SS18L1: variants seen among roughly 807,000 people sequenced by gnomAD.
SS18L1 encodes the protein calcium-responsive transactivator.
SS18L1 carries 32 observed loss-of-function variants against 70.3 expected under a neutral mutation model. The observed-to-expected ratio is 0.46, with a 90% CI of 0.34 to 0.61. The LOEUF is 0.61. SS18L1 is among the 20% of genes least tolerant of loss of function. The pLI, the probability that SS18L1 is intolerant of heterozygous loss-of-function variation, is 0.01. For synonymous variants in SS18L1, 237 were observed against 229.7 expected, an observed-to-expected ratio of 1.03 and a Z score of -0.29; for missense variants, 430 against 542.1, an observed-to-expected ratio of 0.79 and a Z score of 2.05.
chr20:62,150,351 G>A (rs1191699079), intron 1 of SS18L1, among the ~76,000 whole-genome samples: 8 of 152,214 alleles, frequency 5.3e-5, no homozygotes, highest in Non-Finnish European at 1.0e-4. Flanking sequence ...TGTCTGCCCC[G>A]AGAACAGGAG....
At position 62,159,831 on chromosome 20, in the gene SS18L1, T is replaced by C; in HGVS notation, c.147-46T>C. ...TTCTGCCTTGGATCCACGTGGGGAC[T>C]CTGTGGTCCCGTCGTCCTGCCTCAT... On this transcript the variant is annotated intron_variant, in intron 2 of 10. Coordinates refer to ENST00000331758, the MANE Select transcript of SS18L1 (RefSeq NM_198935.3). The surrounding 1 kb of genome is among the most constrained non-coding windows in gnomAD (Gnocchi z 4.4). 1 of 1,582,292 alleles carries C rather than the reference T, an allele frequency of 6.3e-7. No individual in the cohort carries two copies. The highest frequency in any genetic ancestry group is 8.6e-7 in the Non-Finnish European group (1 of 1,158,914).
chr20:62,162,589 C>T lies in SS18L1; in HGVS notation c.377-163C>T, dbSNP rs73915599. The T allele has an allele frequency of 0.033, 23,823 of 722,308 alleles. 3,450 individuals carry two copies. The African/African-American group carries it at 0.35, about 11-fold the overall frequency. The allele number at this position is 722,308 out of a possible 1,614,324, so 44.7% of individuals were successfully genotyped here. ...AAAGTGCTGGGATTACAGGCATGAG[C>T]CACTGCTCCCGGCCACTTATTTATT... On this transcript the variant is annotated intron_variant, in intron 4 of 10. Coordinates refer to ENST00000331758, the MANE Select transcript of SS18L1 (RefSeq NM_198935.3).
chr20:62,174,451 A>G lies in SS18L1; in HGVS notation c.1037-66A>G. 2 of 1,545,906 alleles carry G rather than the reference A, an allele frequency of 1.3e-6. No individual in the cohort carries two copies. Among genetic ancestry groups the G allele is most frequent in the East Asian group, 2.3e-5 (1 of 44,046 alleles). ...GAGGAAGTTTTAAAAAAAATTTTTA[A>G]GTTAAGAAAAAAAAAGAAAGAGGTG... On this transcript the variant is annotated intron_variant, in intron 9 of 10. Transcript: ENST00000331758. This position sits in a 1 kb window ranked among gnomAD's most constrained non-coding sequence, Gnocchi z 4.1.
intron 5 of SS18L1, among the ~76,000 whole-genome samples, 197 bp from the exon 6 acceptor site, chr20:62,163,261 G>T (rs1294384807): frequency 6.6e-6 from 1 of 152,146 alleles, no homozygotes; most frequent in African/African-American, 2.4e-5. Context: ...TAGAGTCGGT[G>T]CAAGCAGCGG....
intron 1 of SS18L1, among the ~76,000 whole-genome samples, chr20:62,157,862 G>A (rs2057251320): frequency 6.6e-6 from 1 of 151,530 alleles, no homozygotes. Context: ...CATCTTTTCT[G>A]CCCCCACGCC....
rs2057676097 is a variant in SS18L1, at chr20:62,179,471, C to T, written c.*263C>T. 3.8e-6 allele frequency: 2 copies of T among 526,860 alleles called. No individual in the cohort carries two copies. The highest frequency in any genetic ancestry group is 3.4e-5 in the Admixed American group (1 of 29,054). 32.6% of individuals were successfully genotyped at this position (526,860 alleles called of 1,614,324 possible). On this transcript the variant is annotated 3_prime_UTR_variant, in exon 11 of 11. Transcript: ENST00000331758. ...CGGAGAGGTATCCTTTTTTTGTCCC[C>T]CGCCCCCTTCTCAATGTTTCTAGCT...
chr20:62,151,888 C>T (rs891434671), intron 1 of SS18L1, among the ~76,000 whole-genome samples: 1 of 147,446 alleles, frequency 6.8e-6, no homozygotes, highest in Non-Finnish European at 1.5e-5. Context: ...TCCCCGTTCC[C>T]CTCTTTTCCC....
chr20:62,153,012 G>C (rs980495300), intron 1 of SS18L1, among the ~76,000 whole-genome samples: 5 of 152,150 alleles, frequency 3.3e-5, no homozygotes, highest in Non-Finnish European at 5.9e-5. Context: ...TCTGAGATGG[G>C]GTAATTTATA....
intron 1 of SS18L1, among the ~76,000 whole-genome samples, chr20:62,156,155 C>T (rs1042859556): frequency 2.0e-5 from 3 of 152,198 alleles, no homozygotes; most frequent in Non-Finnish European, 4.4e-5. Flanking sequence ...CGCCCCCCGG[C>T]CCATCCCGGC....
chr20:62,165,619 C>A (rs376430845), intron 8 of SS18L1, 105 bp downstream of exon 8: 2 of 1,061,594 alleles, frequency 1.9e-6, no homozygotes, highest in Non-Finnish European at 2.8e-6. Context: ...CAGTGAGTCC[C>A]TTAAATCACA....
At chr20:62,151,266 G>A (rs1476244086) in intron 1 of SS18L1, among the ~76,000 whole-genome samples, 2 of 152,192 alleles carry the variant, frequency 1.3e-5, no homozygotes, top group African/African-American at 4.8e-5. Flanking sequence ...CCCCACGGTG[G>A]GGCTTCAGCA....
chr20:62,172,567 G>C, intron 8 of SS18L1, 115 bp from the exon 9 acceptor site: 1 of 1,478,356 alleles, frequency 6.8e-7, no homozygotes, highest in Non-Finnish European at 9.4e-7. Flanking sequence ...TAAACATGCC[G>C]AAGCAATGGA....
Position 62,174,689 on chromosome 20 carries a change from G to C in SS18L1, c.1164+45G>C, listed in dbSNP as rs368299137. On this transcript the variant is annotated intron_variant, in intron 10 of 10. Transcript: ENST00000331758. The surrounding 1 kb of genome is among the most constrained non-coding windows in gnomAD (Gnocchi z 4.1). ...CCAGATGTGCCCATCCGCCGCGCCT[G>C]TCGAGACATAATGAAGATTTCTCTT... The C allele has an allele frequency of 3.1e-6, 5 of 1,612,764 alleles. No homozygotes were observed. The African/African-American group carries it at 6.7e-5, about 22-fold the overall frequency.
intron 10 of SS18L1, among the ~76,000 whole-genome samples, chr20:62,176,857 G>GA (rs1239134291): frequency 2.0e-5 from 3 of 152,220 alleles, no homozygotes; most frequent in Admixed American, 1.3e-4. Flanking sequence ...CATCTGGGGG[G>GA]AAATGTGTCC....
chr20:62,171,153 C>T (rs1362657604), intron 8 of SS18L1, among the ~76,000 whole-genome samples: 2 of 152,146 alleles, frequency 1.3e-5, no homozygotes, highest in African/African-American at 2.4e-5. Flanking sequence ...CCACCCGCCT[C>T]GGCCTCCCAA....
intron 10 of SS18L1, among the ~76,000 whole-genome samples, chr20:62,177,278 C>CAA (rs79145053): frequency 4.6e-5 from 6 of 130,624 alleles, no homozygotes; most frequent in African/African-American, 1.4e-4. Flanking sequence ...AACTCTGTCT[C>CAA]AAAAAAAAAA....
intron 1 of SS18L1, chr20:62,154,389 GC>G (rs2057185830): frequency 2.9e-6 from 3 of 1,048,622 alleles, no homozygotes; most frequent in Non-Finnish European, 3.5e-6. Context: ...ACGCCTGGTT[GC>G]GGTTTCGGCG....
chr20:62,164,347 C>A, intron 7 of SS18L1, 101 bp downstream of exon 7: 2 of 1,196,472 alleles, frequency 1.7e-6, no homozygotes, highest in Non-Finnish European at 1.2e-6. Context: ...TGCAGTGTGT[C>A]CTCAGTCATT....
At chr20:62,170,568 G>T (rs1015569017) in intron 8 of SS18L1, among the ~76,000 whole-genome samples, 1 of 152,230 alleles carries the variant, frequency 6.6e-6, no homozygotes, top group Admixed American at 6.5e-5. Flanking sequence ...ACATCTGCCC[G>T]CCCCGTTGCT....
Sources: allele counts gnomAD v4.1 joint callset (sites outside exome capture counted in the v4.1 genomes callset), GRCh38; gene constraint gnomAD v4.1.1; non-coding constraint Gnocchi (gnomAD v3.1); transcripts MANE v1.5; gene names NCBI Gene and HGNC (gene_info 2026-07-23, HGNC 2026-07-21).